Variants in OSBPL10 observed in about 807,000 individuals in gnomAD.
OSBPL10 encodes the protein oxysterol-binding protein-related protein 10.
In OSBPL10, 49 loss-of-function variants were observed where a neutral mutation model predicts 81.7. The observed-to-expected ratio is 0.60, with a 90% CI of 0.48 to 0.76. The LOEUF (loss-of-function observed/expected upper bound fraction) is 0.76. Among genes scored for constraint, OSBPL10 ranks in the 30% least tolerant of loss-of-function variants. The probability of loss-of-function intolerance (pLI) is 0.00; values close to 1 mark genes in which losing one functional copy is unlikely to be tolerated. For missense variants in OSBPL10, 923 were observed against 987.8 expected (o/e 0.93, Z 0.88); for synonymous variants, 419 against 383.6 (o/e 1.09, Z -1.08).
At chr3:31,828,624 C>T (rs1700156449) in intron 4 of OSBPL10, among the ~76,000 whole-genome samples, 1 of 152,212 alleles carries the variant, frequency 6.6e-6, no homozygotes, top group African/African-American at 2.4e-5. Context: ...CCTCCCGCTC[C>T]TAGGATCAAG....
At chr3:31,893,556 A>C (rs1463249372) in intron 1 of OSBPL10, among the ~76,000 whole-genome samples, 1 of 152,230 alleles carries the variant, frequency 6.6e-6, no homozygotes, top group Non-Finnish European at 1.5e-5. Context: ...ATTAAAACAA[A>C]TGTCTACACC....
At chr3:31,965,879 A>G (rs1462085533) in intron 1 of OSBPL10, among the ~76,000 whole-genome samples, 1 of 95,354 alleles carries the variant, frequency 1.0e-5, no homozygotes, top group African/African-American at 5.0e-5. Flanking sequence ...TATTATATAA[A>G]ATAGATAACA....
chr3:31,907,481 G>A (rs530765645), intron 1 of OSBPL10, among the ~76,000 whole-genome samples: 2 of 151,728 alleles, frequency 1.3e-5, no homozygotes, highest in South Asian at 4.2e-4. Flanking sequence ...ACAAAAAGTA[G>A]CCAGGCATGG....
At chr3:31,678,782 CTGTG>C (rs67616509) in intron 8 of OSBPL10, among the ~76,000 whole-genome samples, 9,890 of 135,486 alleles carry the variant, frequency 0.073, 376 homozygotes, top group African/African-American at 0.099. Context: ...CAGATTCAAA[CTGTG>C]TGTGTGTGTG....
intron 11 of OSBPL10, 45 bp from the exon 12 acceptor site, chr3:31,662,161 C>T (rs1559403129): frequency 6.2e-7 from 1 of 1,612,944 alleles, no homozygotes; most frequent in Middle Eastern, 1.7e-4. Context: ...GACCTCTCAA[C>T]AGGGAAAAGG....
intron 6 of OSBPL10, among the ~76,000 whole-genome samples, chr3:31,712,324 G>T (rs931181462): frequency 1.2e-4 from 19 of 152,162 alleles, no homozygotes; most frequent in Non-Finnish European, 2.6e-4. Context: ...GCAGACCCCT[G>T]AGCTGCCCAC....
chr3:31,924,026 G>A (rs7646951), intron 1 of OSBPL10, among the ~76,000 whole-genome samples: 10,264 of 151,930 alleles, frequency 0.068, 462 homozygotes, highest in East Asian at 0.18. Context: ...AGACCAGCCT[G>A]GCCAACATAG....
intron 1 of OSBPL10, among the ~76,000 whole-genome samples, chr3:31,921,941 A>G (rs979749664): frequency 2.9e-4 from 44 of 152,350 alleles, no homozygotes; most frequent in Non-Finnish European, 1.5e-4. Flanking sequence ...CTGAAAACAC[A>G]TAACCCTCAT....
chr3:31,849,676 A>G (rs1028388384), intron 3 of OSBPL10, among the ~76,000 whole-genome samples: 7 of 152,182 alleles, frequency 4.6e-5, no homozygotes, highest in Admixed American at 1.3e-4. Flanking sequence ...ATTCCACTAA[A>G]TATCATGCAG....
chr3:31,909,489 G>T (rs1289141956), intron 1 of OSBPL10, among the ~76,000 whole-genome samples: 1 of 150,658 alleles, frequency 6.6e-6, no homozygotes, highest in African/African-American at 2.4e-5. Flanking sequence ...GCTATTGCTG[G>T]TAGGGCTCAA....
intron 4 of OSBPL10, among the ~76,000 whole-genome samples, chr3:31,772,990 C>T (rs1191372457): frequency 6.7e-6 from 1 of 150,036 alleles, no homozygotes; most frequent in Non-Finnish European, 1.5e-5. Flanking sequence ...TCCTGGGTAA[C>T]GTGACCAAAC....
intron 5 of OSBPL10, among the ~76,000 whole-genome samples, chr3:31,736,245 T>C (rs545013007): frequency 5.7e-4 from 87 of 152,254 alleles, no homozygotes; most frequent in African/African-American, 2.1e-3. Flanking sequence ...ATAGAATGTG[T>C]ACTGAGATGT....
chr3:31,853,742 C>T (rs546492581), intron 3 of OSBPL10, among the ~76,000 whole-genome samples: 2 of 152,200 alleles, frequency 1.3e-5, no homozygotes, highest in African/African-American at 4.8e-5. Context: ...AGCACCTGCA[C>T]GTTCTGTTCT....
At position 31,956,597 on chromosome 3, in the gene OSBPL10, G is replaced by T. The variant is rs146431352; in HGVS notation, c.281+24302C>A. ...AAAAAAATTAGCTGGGCTTGGTGGC[G>T]GGCACCTGTATTCCCAGCCACTCAG... On this transcript the variant is annotated intron_variant, in intron 1 of 11. Coordinates refer to ENST00000396556, the MANE Select transcript of OSBPL10 (RefSeq NM_017784.5). Among the ~76,000 whole-genome samples, 244 of 152,072 alleles carry T rather than the reference G, an allele frequency of 1.6e-3. 1 individual carries two copies. Among genetic ancestry groups the T allele is most frequent in the East Asian group, 0.016 (80 of 5,140 alleles).
intron 4 of OSBPL10, among the ~76,000 whole-genome samples, chr3:31,777,882 G>C (rs1575537931): frequency 6.6e-6 from 1 of 152,228 alleles, no homozygotes; most frequent in African/African-American, 2.4e-5. Flanking sequence ...CAAGCCCAGG[G>C]AAGCCATGCC....
intron 7 of OSBPL10, among the ~76,000 whole-genome samples, chr3:31,698,943 C>T (rs1251651220): frequency 6.6e-6 from 1 of 152,204 alleles, no homozygotes; most frequent in Non-Finnish European, 1.5e-5. Flanking sequence ...TTGTCTGTTT[C>T]CTTCCATCAT....
intron 5 of OSBPL10, among the ~76,000 whole-genome samples, chr3:31,741,285 A>G (rs1697340610): frequency 6.6e-6 from 1 of 152,240 alleles, no homozygotes. Flanking sequence ...TTATTTTTTG[A>G]GACGGAGTCT....
intron 2 of OSBPL10, among the ~76,000 whole-genome samples, chr3:31,998,631 G>T (rs1020281153): frequency 4.6e-5 from 7 of 152,136 alleles, no homozygotes; most frequent in South Asian, 2.1e-4. Context: ...TACCAAATAT[G>T]GTCCTCTAGT....
chr3:32,021,476 T>TC (rs1351220696), intron 2 of OSBPL10, among the ~76,000 whole-genome samples: 1 of 152,220 alleles, frequency 6.6e-6, no homozygotes, highest in Non-Finnish European at 1.5e-5. Context: ...GATTCCAGTT[T>TC]CTCCACTCCC....
Sources: gnomAD v4.1 joint callset for allele counts (sites outside exome capture counted in the v4.1 genomes callset) on GRCh38, gnomAD v4.1.1 for gene constraint, MANE v1.5 for transcripts, NCBI Gene and HGNC (gene_info 2026-07-23, HGNC 2026-07-21) for gene names.